The following SKI variants were observed in gnomAD, a reference collection of about 807,000 sequenced individuals.
SKI encodes the protein SKI proto-oncogene.
SKI carries 23 observed loss-of-function variants against 59.3 expected under a neutral mutation model. The observed-to-expected ratio is 0.39, with a 90% CI of 0.28 to 0.55. SKI has a LOEUF of 0.55. Among genes scored for constraint, SKI ranks in the 20% least tolerant of loss-of-function variants. SKI has a pLI of 0.67. For missense variants in SKI, 1,017 were observed against 1,038.9 expected, an observed-to-expected ratio of 0.98 and a Z score of 0.29; for synonymous variants, 673 against 488.6, an observed-to-expected ratio of 1.38 and a Z score of -4.98.
At chr1:2,259,107 A>G (rs2100835403) in intron 1 of SKI, among the ~76,000 whole-genome samples, 1 of 152,288 alleles carries the variant, frequency 6.6e-6, no homozygotes, top group East Asian at 1.9e-4. Flanking sequence ...CATCTCTAGC[A>G]AGTTCCCAGA....
At chr1:2,302,013 G>T (rs541306367) in intron 1 of SKI, among the ~76,000 whole-genome samples, 4 of 152,376 alleles carry the variant, frequency 2.6e-5, no homozygotes, top group Admixed American at 1.3e-4. Context: ...GGTCTCAGTT[G>T]TGCCTTGCGG....
chr1:2,274,570 C>T (rs1557833537), intron 1 of SKI, among the ~76,000 whole-genome samples: 1 of 152,170 alleles, frequency 6.6e-6, no homozygotes, highest in Non-Finnish European at 1.5e-5. Context: ...TCCACTCCTG[C>T]CCCATGGCAG....
chr1:2,231,060 G>C (rs935883232), intron 1 of SKI, among the ~76,000 whole-genome samples: 8 of 152,168 alleles, frequency 5.3e-5, no homozygotes, highest in Non-Finnish European at 1.2e-4. Flanking sequence ...GGCTGGGGAA[G>C]GATGCTCGTG....
In SKI at chr1:2,269,885, T is replaced by TGG; in HGVS notation, c.970-33093_970-33092insGG. Reference sequence around the variant, plus strand: ...GTGGCTGGCGTGGGTCTGGCGGGTCTCGTGGTGCCTGTGGCTGGCGTGGGT... The same window carrying TGG: ...GTGGCTGGCGTGGGTCTGGCGGGTCTGGCGTGGTGCCTGTGGCTGGCGTGGGT... On this transcript the variant is annotated intron_variant, in intron 1 of 6. Transcript: ENST00000378536. The surrounding 1 kb of genome is among the most constrained non-coding windows in gnomAD (Gnocchi z 4.7). Among the ~76,000 whole-genome samples the TGG allele has an allele frequency of 7.9e-6, 1 of 126,824 alleles. No homozygotes were observed. Among genetic ancestry groups the TGG allele is most frequent in the East Asian group, 2.4e-4 (1 of 4,242 alleles). The allele number at this position is 126,824 out of a possible 152,430, so 83.2% of individuals were successfully genotyped here. A position where few individuals can be genotyped will look rare whatever the true frequency, so the allele number is the denominator to read the frequency against.
At position 2,267,961 on chromosome 1, in the gene SKI, G is replaced by A. The variant is rs1036245176; in HGVS notation, c.970-35017G>A. ...GGGCCTGTGTGCTGTGGTGGTCGTG[G>A]CTCTGTGGGTGCCGGGCAGAGGCCT... is the stretch of plus-strand genomic sequence containing the variant. On this transcript the variant is annotated intron_variant, in intron 1 of 6. Coordinates refer to ENST00000378536, the MANE Select transcript of SKI (RefSeq NM_003036.4). This position sits in a 1 kb window ranked among gnomAD's most constrained non-coding sequence, Gnocchi z 4.1. 4.6e-5 allele frequency among the ~76,000 whole-genome samples: 7 copies of A among 152,182 alleles called. No individual in the cohort carries two copies. The highest frequency in any genetic ancestry group is 1.0e-4 in the Non-Finnish European group (7 of 68,026).
chr1:2,280,019 G>A (rs1020188086), intron 1 of SKI, among the ~76,000 whole-genome samples: 1 of 152,158 alleles, frequency 6.6e-6, no homozygotes, highest in African/African-American at 2.4e-5. Context: ...GGAGAAGCGC[G>A]AGGCATGGGT....
chr1:2,255,997 C>T (rs1303624413), intron 1 of SKI, among the ~76,000 whole-genome samples: 1 of 151,072 alleles, frequency 6.6e-6, no homozygotes, highest in South Asian at 2.1e-4. Context: ...ACCTCATTTC[C>T]TGTATGCAAC....
chr1:2,254,436 C>T (rs1391416076), intron 1 of SKI, among the ~76,000 whole-genome samples: 1 of 152,136 alleles, frequency 6.6e-6, no homozygotes, highest in Non-Finnish European at 1.5e-5. Context: ...AATGCCTCAT[C>T]CTAGGATTAC....
At chr1:2,236,703 C>A (rs1638756491) in intron 1 of SKI, among the ~76,000 whole-genome samples, 2 of 152,220 alleles carry the variant, frequency 1.3e-5, no homozygotes, top group Non-Finnish European at 2.9e-5. Flanking sequence ...TTGCGCCTGG[C>A]CATTGTTCCA....
chr1:2,229,160 C>G lies in SKI; in HGVS notation c.394C>G (p.Arg132Gly). 6.2e-7 allele frequency: 1 copy of G among 1,611,794 alleles called. No individual in the cohort carries two copies. Among genetic ancestry groups the G allele is most frequent in the Non-Finnish European group, 8.5e-7 (1 of 1,179,732 alleles). The change falls in exon 1 of 7, where the codon CGC (arginine) becomes GGC (glycine). Residue 132 changes from arginine to glycine, a missense_variant. By Grantham distance (125) the Arg-to-Gly change is moderately radical. Transcript: ENST00000378536. The surrounding 1 kb of genome is among the most constrained non-coding windows in gnomAD (Gnocchi z 6.3). ...CLPQILNSVLRDFSLQQINAV... is the reference protein window; with the variant it reads ...CLPQILNSVLGDFSLQQINAV... ...GCCGCAGATTCTCAACTCGGTGCTG[C>G]GCGACTTCTCGCTGCAGCAGATCAA...
chr1:2,256,517 T>C (rs1297275011), intron 1 of SKI, among the ~76,000 whole-genome samples: 1 of 152,232 alleles, frequency 6.6e-6, no homozygotes, highest in Admixed American at 6.5e-5. Flanking sequence ...GGTATTTCTG[T>C]GCTCTTCCTG....
rs753783431 is a variant in SKI, at chr1:2,229,610, C to A, written c.844C>A (p.Arg282=). Residue 282 remains arginine (R), a synonymous_variant, in exon 1 of 7, where the codon CGG becomes AGG. Coordinates refer to ENST00000378536, the MANE Select transcript of SKI (RefSeq NM_003036.4). This position sits in a 1 kb window ranked among gnomAD's most constrained non-coding sequence, Gnocchi z 6.3. ...CHWGFDSANW[R]AYILLSQDYT... ...CTGGGGCTTCGACTCGGCCAACTGG[C>A]GGGCCTACATCCTGCTGAGCCAGGA... is the stretch of plus-strand genomic sequence containing the variant. 10 of 1,612,406 alleles carry A rather than the reference C, an allele frequency of 6.2e-6. No homozygotes were observed. In the Admixed American group the frequency reaches 8.3e-5, roughly 13 times the overall value.
At chr1:2,238,206 C>T (rs922823554) in intron 1 of SKI, among the ~76,000 whole-genome samples, 1 of 152,246 alleles carries the variant, frequency 6.6e-6, no homozygotes, top group African/African-American at 2.4e-5. Flanking sequence ...CCTTAGGAAG[C>T]AGTTTGTCCC....
At chr1:2,240,263 T>G (rs865845846) in intron 1 of SKI, among the ~76,000 whole-genome samples, 2 of 152,162 alleles carry the variant, frequency 1.3e-5, no homozygotes, top group South Asian at 2.1e-4. Context: ...GCCACAGGCC[T>G]GGAGAAGCGA....
At chr1:2,305,913 C>CATTGTCAG in intron 5 of SKI, 107 bp from the exon 6 acceptor site, 1 of 889,650 alleles carries the variant, frequency 1.1e-6, no homozygotes, top group Non-Finnish European at 1.8e-6. Flanking sequence ...CTCCAGGGCA[C>CATTGTCAG]ATTGTCAGAT....
At chr1:2,304,669 C>T (rs1640523431) in intron 5 of SKI, 84 bp downstream of exon 5, 2 of 1,466,720 alleles carry the variant, frequency 1.4e-6, no homozygotes, top group Admixed American at 2.4e-5. Flanking sequence ...CAGGTGGTGC[C>T]TCCTCCCTTC....
chr1:2,260,046 G>A (rs1022680385), intron 1 of SKI, among the ~76,000 whole-genome samples: 3 of 152,184 alleles, frequency 2.0e-5, no homozygotes, highest in East Asian at 1.9e-4. Flanking sequence ...GGAATGGCTG[G>A]ATCATATATT....
chr1:2,295,264 C>T (rs1640257413), intron 1 of SKI, among the ~76,000 whole-genome samples: 2 of 152,242 alleles, frequency 1.3e-5, no homozygotes, highest in Non-Finnish European at 2.9e-5. Context: ...AGCCGAGCGC[C>T]CCTCTGGCTC....
intron 1 of SKI, among the ~76,000 whole-genome samples, chr1:2,276,058 T>G (rs562890785): frequency 6.6e-6 from 1 of 152,318 alleles, no homozygotes; most frequent in Admixed American, 6.5e-5. Flanking sequence ...AAGCTGTTCT[T>G]TTCTTTGGTT....
Sources: allele counts gnomAD v4.1 joint callset (sites outside exome capture counted in the v4.1 genomes callset), GRCh38; gene constraint gnomAD v4.1.1; non-coding constraint Gnocchi (gnomAD v3.1); transcripts MANE v1.5; gene names NCBI Gene and HGNC (gene_info 2026-07-23, HGNC 2026-07-21).